PRTFDC1: variants seen among roughly 807,000 people sequenced by gnomAD.
The protein encoded by PRTFDC1 is phosphoribosyltransferase domain-containing protein 1.
A neutral mutation model predicts 34.6 loss-of-function variants in PRTFDC1; 38 were observed. The observed-to-expected ratio is 1.10, with a 90% CI of 0.85 to 1.44. The LOEUF is 1.44. PRTFDC1 is among the 40% of genes most tolerant of loss of function. The pLI, the probability that PRTFDC1 is intolerant of heterozygous loss-of-function variation, is 0.00. For synonymous variants in PRTFDC1, 93 were observed against 98.1 expected (o/e 0.95, Z 0.31); for missense variants, 270 against 283.0 (o/e 0.95, Z 0.33).
At chr10:24,874,251 C>G (rs546243152) in intron 3 of PRTFDC1, among the ~76,000 whole-genome samples, 4 of 152,150 alleles carry the variant, frequency 2.6e-5, no homozygotes, top group Non-Finnish European at 4.4e-5. Context: ...GGAGAAAAAT[C>G]AAAGGATATT....
intron 3 of PRTFDC1, among the ~76,000 whole-genome samples, chr10:24,902,197 A>AT (rs376012839): frequency 4.3e-4 from 64 of 147,628 alleles, no homozygotes; most frequent in East Asian, 2.0e-3. Flanking sequence ...ATTATCCAGG[A>AT]TTTTTTTTTT....
intron 4 of PRTFDC1, among the ~76,000 whole-genome samples, chr10:24,868,773 G>T (rs1044864856): frequency 7.2e-6 from 1 of 139,372 alleles, no homozygotes; most frequent in Non-Finnish European, 1.5e-5. Flanking sequence ...CCCACTAACT[G>T]TTGGGTGCCT....
intron 3 of PRTFDC1, among the ~76,000 whole-genome samples, chr10:24,880,933 C>CCTTCTT (rs1848068172): frequency 6.9e-6 from 1 of 144,908 alleles, no homozygotes; most frequent in Non-Finnish European, 1.5e-5. Context: ...CTTTCTTTCC[C>CCTTCTT]CTTTCTTTCT....
chr10:24,874,384 G>A (rs1053696896), intron 3 of PRTFDC1, among the ~76,000 whole-genome samples: 3 of 152,146 alleles, frequency 2.0e-5, no homozygotes, highest in African/African-American at 7.2e-5. Flanking sequence ...CACTGCTAGA[G>A]ATGCTGAAAT....
chr10:24,946,196 C>T (rs1019647342), intron 1 of PRTFDC1, among the ~76,000 whole-genome samples: 1 of 152,122 alleles, frequency 6.6e-6, no homozygotes, highest in African/African-American at 2.4e-5. Flanking sequence ...ATACTCTCCA[C>T]TCCATGTTCA....
intron 4 of PRTFDC1, among the ~76,000 whole-genome samples, chr10:24,860,466 T>C (rs1198601837): frequency 1.3e-5 from 2 of 152,182 alleles, no homozygotes; most frequent in Admixed American, 1.3e-4. Context: ...ATAAAAATGT[T>C]AACCACCCAA....
chr10:24,873,891 A>T (rs1412385891), intron 3 of PRTFDC1, among the ~76,000 whole-genome samples: 1 of 148,738 alleles, frequency 6.7e-6, no homozygotes, highest in Non-Finnish European at 1.5e-5. Flanking sequence ...AAAAAAAAAG[A>T]CCTTATAATT....
Position 24,872,806 on chromosome 10 carries a change from A to T in PRTFDC1, c.340-743T>A, listed in dbSNP as rs200155387. Among the ~76,000 whole-genome samples the T allele has an allele frequency of 5.2e-3, 608 of 117,600 alleles. 11 individuals carry two copies. The highest frequency in any genetic ancestry group is 0.012 in the African/African-American group (324 of 27,884). The allele number at this position is 117,600 out of a possible 152,430, so 77.2% of individuals were successfully genotyped here. On this transcript the variant is annotated intron_variant, in intron 3 of 8. Coordinates refer to ENST00000320152, the MANE Select transcript of PRTFDC1 (RefSeq NM_020200.7). The stretch of plus-strand genomic sequence containing the variant: ...TGTGTGTGTATATATATATATATAT[A>T]TTTTTTTTTTTTTTTTTTTTTGAGA...
chr10:24,935,778 A>C (rs541369832), intron 3 of PRTFDC1, among the ~76,000 whole-genome samples: 2 of 152,344 alleles, frequency 1.3e-5, no homozygotes, highest in South Asian at 4.1e-4. Flanking sequence ...CAAACAGCTA[A>C]TGGTGTTGTG....
chr10:24,854,257 G>T (rs1345352981), intron 7 of PRTFDC1, among the ~76,000 whole-genome samples: 2 of 152,134 alleles, frequency 1.3e-5, no homozygotes, highest in Non-Finnish European at 2.9e-5. Context: ...GACAATTTCT[G>T]CTTAGTAACC....
intron 3 of PRTFDC1, among the ~76,000 whole-genome samples, chr10:24,883,396 A>G (rs1365419249): frequency 3.3e-5 from 5 of 152,068 alleles, no homozygotes; most frequent in Non-Finnish European, 1.5e-5. Flanking sequence ...ATGAGAAATA[A>G]AGGGAGGGTG....
chr10:24,866,587 T>C (rs1847782365), intron 4 of PRTFDC1, among the ~76,000 whole-genome samples: 1 of 152,036 alleles, frequency 6.6e-6, no homozygotes, highest in Non-Finnish European at 1.5e-5. Context: ...CAATATTAAA[T>C]CAACTTTGGA....
chr10:24,878,751 C>T lies in PRTFDC1; in HGVS notation c.340-6688G>A, dbSNP rs140442628. 3.9e-5 allele frequency among the ~76,000 whole-genome samples: 6 copies of T among 152,222 alleles called. No individual in the cohort carries two copies. The East Asian group carries it at 1.2e-3, about 29-fold the overall frequency. ...AAACAAACCGAGGAAGAATACATATCCTAAATATCCTGTCCTTTTGAGGAA... is the reference window on the plus strand; with the variant it reads ...AAACAAACCGAGGAAGAATACATATTCTAAATATCCTGTCCTTTTGAGGAA... On this transcript the variant is annotated intron_variant, in intron 3 of 8. Coordinates refer to ENST00000320152, the MANE Select transcript of PRTFDC1 (RefSeq NM_020200.7).
chr10:24,882,457 C>T (rs1411202757), intron 3 of PRTFDC1, among the ~76,000 whole-genome samples: 1 of 152,110 alleles, frequency 6.6e-6, no homozygotes, highest in Admixed American at 6.6e-5. Context: ...CACGTTGTAG[C>T]ATTCAGCGTT....
intron 3 of PRTFDC1, among the ~76,000 whole-genome samples, chr10:24,925,687 A>T (rs111822977): frequency 0.18 from 26,805 of 152,000 alleles, 3,353 homozygotes; most frequent in African/African-American, 0.36. Flanking sequence ...TGTGATTAAT[A>T]CTAATAACAC....
intron 4 of PRTFDC1, among the ~76,000 whole-genome samples, chr10:24,865,340 T>C (rs138187598): frequency 6.6e-6 from 1 of 152,326 alleles, no homozygotes; most frequent in East Asian, 1.9e-4. Flanking sequence ...AATTTTGCAC[T>C]AAGCAATTTC....
chr10:24,935,831 C>T (rs1849041466), intron 3 of PRTFDC1, among the ~76,000 whole-genome samples: 1 of 152,142 alleles, frequency 6.6e-6, no homozygotes, highest in South Asian at 2.1e-4. Flanking sequence ...GGGGACAACC[C>T]CTAGGAGTGG....
At chr10:24,898,463 C>CAA (rs36004025) in intron 3 of PRTFDC1, among the ~76,000 whole-genome samples, 2,616 of 97,858 alleles carry the variant, frequency 0.027, 109 homozygotes, top group African/African-American at 0.082. Context: ...GACCCTGTCT[C>CAA]AAAAAAAAAA....
intron 3 of PRTFDC1, among the ~76,000 whole-genome samples, chr10:24,924,126 A>G (rs1848835813): frequency 6.6e-6 from 1 of 152,244 alleles, no homozygotes; most frequent in African/African-American, 2.4e-5. Context: ...AGAAACGAAC[A>G]CAGTCTCCAA....
Sources: allele counts gnomAD v4.1 joint callset (sites outside exome capture counted in the v4.1 genomes callset), GRCh38; gene constraint gnomAD v4.1.1; transcripts MANE v1.5; gene names NCBI Gene and HGNC (gene_info 2026-07-23, HGNC 2026-07-21).